Variants in SHLD2 observed in about 807,000 individuals in gnomAD.
SHLD2 encodes RINN1-REV7-interacting novel NHEJ regulator 2.
Under a neutral mutation model 73.2 loss-of-function variants are expected in SHLD2, and 30 were observed. That is an observed-to-expected ratio of 0.41 (90% CI 0.31 to 0.56). SHLD2 has a LOEUF of 0.56. SHLD2 is among the 20% of genes least tolerant of loss of function. The pLI, the probability that SHLD2 is intolerant of heterozygous loss-of-function variation, is 0.28. For synonymous variants in SHLD2, 285 were observed against 370.1 expected (o/e 0.77, Z 2.64); for missense variants, 745 against 1,055.9 (o/e 0.71, Z 4.08).
intron 2 of SHLD2, among the ~76,000 whole-genome samples, chr10:87,128,992 G>A (rs1015054837): frequency 3.3e-5 from 5 of 151,446 alleles, no homozygotes; most frequent in Non-Finnish European, 5.9e-5. Flanking sequence ...AACAACCTCC[G>A]CCTCCTGGGT....
At chr10:87,178,349 T>G (rs1444226332) in intron 7 of SHLD2, among the ~76,000 whole-genome samples, 1 of 151,528 alleles carries the variant, frequency 6.6e-6, no homozygotes, top group East Asian at 1.9e-4. Context: ...ACTTGGGTGA[T>G]GATATGCCCA....
chr10:87,120,261 T>TA (rs71019467), intron 2 of SHLD2, among the ~76,000 whole-genome samples: 33 of 149,114 alleles, frequency 2.2e-4, no homozygotes, highest in East Asian at 1.6e-3. Context: ...TTTATTTATT[T>TA]TTTTGAGACA....
intron 2 of SHLD2, among the ~76,000 whole-genome samples, chr10:87,109,925 A>T (rs1842820064): frequency 6.6e-6 from 1 of 152,226 alleles, no homozygotes; most frequent in African/African-American, 2.4e-5. Flanking sequence ...ACTCACACAC[A>T]CATTTGAGTT....
At chr10:87,175,530 A>C (rs1847898620) in intron 6 of SHLD2, among the ~76,000 whole-genome samples, 2 of 151,686 alleles carry the variant, frequency 1.3e-5, no homozygotes, top group Admixed American at 1.3e-4. Context: ...CTAAAAATAC[A>C]AAAATTAGCC....
chr10:87,117,000 G>A (rs1843297532), intron 2 of SHLD2, among the ~76,000 whole-genome samples: 1 of 152,232 alleles, frequency 6.6e-6, no homozygotes, highest in Non-Finnish European at 1.5e-5. Context: ...TAGTGGAATT[G>A]AAGATTGAAC....
intron 2 of SHLD2, among the ~76,000 whole-genome samples, chr10:87,105,034 G>GT (rs1842514335): frequency 6.6e-6 from 1 of 152,094 alleles, no homozygotes; most frequent in Non-Finnish European, 1.5e-5. Flanking sequence ...TAGAGGTCAG[G>GT]TTTTTTGTTT....
chr10:87,131,201 ATCTT>A (rs1844404173), intron 2 of SHLD2, among the ~76,000 whole-genome samples: 1 of 151,644 alleles, frequency 6.6e-6, no homozygotes, highest in Non-Finnish European at 1.5e-5. Context: ...TTTGTTAAGC[ATCTT>A]TTTTGTTGTG....
At chr10:87,128,161 T>A (rs181361107) in intron 2 of SHLD2, among the ~76,000 whole-genome samples, 1 of 152,188 alleles carries the variant, frequency 6.6e-6, no homozygotes. Context: ...CCACCTTCAT[T>A]TCCTCCTCTC....
intron 2 of SHLD2, among the ~76,000 whole-genome samples, chr10:87,113,284 A>G (rs1843045433): frequency 6.6e-6 from 1 of 152,186 alleles, no homozygotes; most frequent in African/African-American, 2.4e-5. Flanking sequence ...AGATCATGCC[A>G]TTGCACTCCA....
At chr10:87,110,831 G>A (rs1048973988) in intron 2 of SHLD2, among the ~76,000 whole-genome samples, 14 of 151,894 alleles carry the variant, frequency 9.2e-5, no homozygotes, top group Non-Finnish European at 1.9e-4. Context: ...AGATAAATTG[G>A]ACTTTATTAA....
At chr10:87,145,779 G>A (rs569768972) in intron 2 of SHLD2, among the ~76,000 whole-genome samples, 2 of 146,592 alleles carry the variant, frequency 1.4e-5, no homozygotes, top group South Asian at 2.2e-4. Context: ...TGGTTTTTCC[G>A]ACTGAAGCGG....
chr10:87,123,602 C>T (rs1843777665), intron 2 of SHLD2, among the ~76,000 whole-genome samples: 1 of 152,142 alleles, frequency 6.6e-6, no homozygotes, highest in Non-Finnish European at 1.5e-5. Context: ...TTATCTAGTT[C>T]CAGAGTTTTG....
chr10:87,095,099 A>T (rs1841712833), upstream of SHLD2: 1 of 123,830 alleles, frequency 8.1e-6, no homozygotes, highest in Non-Finnish European at 1.7e-5. Context: ...AAGGGAGGGG[A>T]GGGGAGAGGA....
rs564067303 is a variant in SHLD2, at chr10:87,131,000, G to A, written c.-5-20350G>A. Among the ~76,000 whole-genome samples, 9 of 152,218 alleles carry A rather than the reference G, an allele frequency of 5.9e-5. No individual in the cohort carries two copies. The South Asian group carries it at 1.9e-3, about 32-fold the overall frequency. Reference sequence around the variant, plus strand: ...GAGGATCGCGTGAGCCTGGGATGTGGAGGTTGCAGCGTGCTGAGATCATGT... The same window carrying A: ...GAGGATCGCGTGAGCCTGGGATGTGAAGGTTGCAGCGTGCTGAGATCATGT... On this transcript the variant is annotated intron_variant, in intron 2 of 9. Transcript: ENST00000298786.
intron 9 of SHLD2, among the ~76,000 whole-genome samples, chr10:87,189,371 T>TA (rs1848872733): frequency 6.6e-6 from 1 of 152,278 alleles, no homozygotes; most frequent in South Asian, 2.1e-4. Context: ...ATATCACATA[T>TA]ACTTCAGTGT....
At chr10:87,155,234 C>A (rs557933057) in intron 3 of SHLD2, among the ~76,000 whole-genome samples, 31 of 152,178 alleles carry the variant, frequency 2.0e-4, no homozygotes, top group Non-Finnish European at 4.1e-4. Flanking sequence ...CGCACCCGGC[C>A]GAGTACAATC....
chr10:87,136,723 A>G (rs979402365), intron 2 of SHLD2, among the ~76,000 whole-genome samples: 1 of 151,934 alleles, frequency 6.6e-6, no homozygotes, highest in Non-Finnish European at 1.5e-5. Context: ...GTCTCCTACC[A>G]TCAGCCACCC....
rs572318633 is a variant in SHLD2, at chr10:87,176,803, C to T, written c.2170+708C>T. On this transcript the variant is annotated intron_variant, in intron 7 of 9. Coordinates refer to ENST00000298786, the MANE Select transcript of SHLD2 (RefSeq NM_001330112.2). ...ATACAGGCAGAAAACAAAGACAATA[C>T]CTCTCAAAAAACCCAACTTTTAATT... 3.9e-3 allele frequency among the ~76,000 whole-genome samples: 590 copies of T among 152,222 alleles called. 3 individuals carry two copies. Among genetic ancestry groups the T allele is most frequent in the African/African-American group, 0.013 (524 of 41,536 alleles).
In SHLD2 at chr10:87,109,893, T is replaced by C. The variant is rs375008190; in HGVS notation, c.-6+12904T>C. ...GCAGTGGTATGGTTCTGAGGATTAA[T>C]TTTATATACACACATATAAACACTC... On this transcript the variant is annotated intron_variant, in intron 2 of 9. Transcript: ENST00000298786. 3.3e-5 allele frequency among the ~76,000 whole-genome samples: 5 copies of C among 152,300 alleles called. No individual in the cohort carries two copies. In the East Asian group the frequency reaches 9.6e-4, roughly 29 times the overall value.
Sources: allele counts gnomAD v4.1 joint callset (sites outside exome capture counted in the v4.1 genomes callset), GRCh38; gene constraint gnomAD v4.1.1; transcripts MANE v1.5; gene names NCBI Gene and HGNC (gene_info 2026-07-23, HGNC 2026-07-21).